Variants in NNT observed in about 807,000 individuals in gnomAD.
The protein encoded by NNT is nicotinamide nucleotide transhydrogenase.
A neutral mutation model predicts 104.8 loss-of-function variants in NNT; 50 were observed. The ratio of observed to expected loss-of-function variants is 0.48; its 90% CI spans 0.38 to 0.60. The LOEUF is 0.60. NNT is among the 20% of genes least tolerant of loss of function. The pLI, the probability that NNT is intolerant of heterozygous loss-of-function variation, is 0.00. For synonymous variants in NNT, 461 were observed against 490.4 expected, an observed-to-expected ratio of 0.94 and a Z score of 0.79; for missense variants, 1,131 against 1,330.7, an observed-to-expected ratio of 0.85 and a Z score of 2.33.
At chr5:43,691,567 G>GA (rs34409670) in intron 19 of NNT, among the ~76,000 whole-genome samples, 2 of 152,146 alleles carry the variant, frequency 1.3e-5, no homozygotes, top group South Asian at 2.1e-4. Flanking sequence ...GTAACTGGGG[G>GA]AAAAAGTCTC....
At chr5:43,618,496 T>A (rs1749900935) in intron 4 of NNT, among the ~76,000 whole-genome samples, 1 of 152,210 alleles carries the variant, frequency 6.6e-6, no homozygotes, top group Admixed American at 6.5e-5. Flanking sequence ...TAATTTTTTT[T>A]ATTTTAAGGA....
At position 43,613,045 on chromosome 5, in the gene NNT, G is replaced by C; in HGVS notation, c.289G>C (p.Glu97Gln). The change falls in exon 3 of 22, where the codon GAA becomes CAA. Residue 97 changes from glutamate to glutamine, a missense_variant. Glu to Gln is a conservative substitution (Grantham distance 29). Transcript: ENST00000344920. ...TGTTGTCGTGGAATCGGGTGCGGGC[G>C]AAGCTTCCAAGTTCTCAGATGATCA... ...FNVVVESGAGEASKFSDDHYR... is the reference protein window; with the variant it reads ...FNVVVESGAGQASKFSDDHYR... 6.2e-7 allele frequency: 1 copy of C among 1,614,096 alleles called. No individual in the cohort carries two copies. The highest frequency in any genetic ancestry group is 8.5e-7 in the Non-Finnish European group (1 of 1,180,022).
chr5:43,681,190 G>A (rs1029507447), intron 19 of NNT, among the ~76,000 whole-genome samples: 1 of 150,180 alleles, frequency 6.7e-6, no homozygotes, highest in Non-Finnish European at 1.5e-5. Flanking sequence ...AACCCAGGAG[G>A]TGGAGCTCGC....
chr5:43,603,157 C>G (rs1204339672), upstream of NNT: 2 of 152,630 alleles, frequency 1.3e-5, no homozygotes, highest in African/African-American at 4.8e-5. Flanking sequence ...AGTCACGTGG[C>G]CGCCCGCCGC....
intron 17 of NNT, among the ~76,000 whole-genome samples, chr5:43,668,525 A>G (rs569439874): frequency 6.6e-6 from 1 of 152,332 alleles, no homozygotes. Context: ...AGCACCATTT[A>G]TTAAATAGGG....
chr5:43,610,106 C>G (rs1187193460), intron 2 of NNT, among the ~76,000 whole-genome samples: 1 of 151,982 alleles, frequency 6.6e-6, no homozygotes, highest in Non-Finnish European at 1.5e-5. Flanking sequence ...ACAAGGCCTT[C>G]CCTGATAGAA....
intron 1 of NNT, among the ~76,000 whole-genome samples, chr5:43,608,486 A>G (rs1406895783): frequency 1.3e-5 from 2 of 152,232 alleles, no homozygotes; most frequent in Non-Finnish European, 1.5e-5. Flanking sequence ...AGCCTATTTG[A>G]TAAAGATACT....
chr5:43,635,536 C>G (rs963268133), intron 7 of NNT, among the ~76,000 whole-genome samples: 4 of 152,182 alleles, frequency 2.6e-5, no homozygotes, highest in African/African-American at 9.6e-5. Context: ...TATTAGTGTG[C>G]TAGGGCTGCC....
chr5:43,703,219 C>T lies in NNT; in HGVS notation c.3111+483C>T, dbSNP rs186360598. Among the ~76,000 whole-genome samples, 7 of 152,274 alleles carry T rather than the reference C, an allele frequency of 4.6e-5. No homozygotes were observed. The East Asian group carries it at 5.8e-4, about 13-fold the overall frequency. ...TAATGTGGCATAATGAAGCAAGCTT[C>T]GCTCATGTGTATTCCTCCTGAAAAA... On this transcript the variant is annotated intron_variant, in intron 21 of 21. Transcript: ENST00000344920.
intron 17 of NNT, among the ~76,000 whole-genome samples, chr5:43,672,160 C>G (rs1028275089): frequency 9.9e-5 from 15 of 152,272 alleles, no homozygotes; most frequent in African/African-American, 2.9e-4. Flanking sequence ...CTTCTCTACA[C>G]TGTTTATTCT....
chr5:43,641,266 AT>A (rs1445056220), intron 7 of NNT, among the ~76,000 whole-genome samples: 1 of 151,810 alleles, frequency 6.6e-6, no homozygotes, highest in Non-Finnish European at 1.5e-5. Context: ...TTTATTTACT[AT>A]TCTGCTTCTT....
intron 17 of NNT, 64 bp downstream of exon 17, chr5:43,659,414 C>A: frequency 3.0e-6 from 4 of 1,319,376 alleles, no homozygotes; most frequent in Non-Finnish European, 4.2e-6. Flanking sequence ...ATGTGCATGT[C>A]ATTTCTTTTA....
chr5:43,615,700 G>T, intron 3 of NNT, 148 bp from the exon 4 acceptor site: 1 of 710,934 alleles, frequency 1.4e-6, no homozygotes, highest in East Asian at 2.7e-5. Flanking sequence ...GCCTTATATT[G>T]CTTAAGAATT....
At chr5:43,697,784 G>A (rs1742632957) in intron 19 of NNT, among the ~76,000 whole-genome samples, 1 of 152,192 alleles carries the variant, frequency 6.6e-6, no homozygotes. Context: ...GCAAAAAAAG[G>A]AGAGCTTGTG....
At chr5:43,644,590 A>T (rs1307719452) in intron 8 of NNT, 21 bp from the exon 9 acceptor site, 3 of 1,584,290 alleles carry the variant, frequency 1.9e-6, no homozygotes, top group Admixed American at 1.9e-5. Context: ...GACCTTTTTG[A>T]CTATAATTTT....
intron 1 of NNT, 148 bp from the exon 2 acceptor site, chr5:43,608,995 A>G: frequency 2.3e-6 from 1 of 427,340 alleles, no homozygotes; most frequent in Non-Finnish European, 4.1e-6. Context: ...ATAAGTAAGG[A>G]ACTTGGCAAA....
At position 43,659,307 on chromosome 5, in the gene NNT, T is replaced by C; in HGVS notation, c.2591T>C (p.Leu864Pro). The change falls in exon 17 of 22, where the codon CTC becomes CCC. Residue 864 changes from leucine (L) to proline (P), a missense_variant. Coordinates refer to ENST00000344920, the MANE Select transcript of NNT (RefSeq NM_182977.3). Reference sequence around the variant, plus strand: ...AATCTGCTGACCATCGTGGGTGCACTCATAGGCTCGTCTGGTGCTATCCTG... The same window carrying C: ...AATCTGCTGACCATCGTGGGTGCACCCATAGGCTCGTCTGGTGCTATCCTG... ...NNNLLTIVGALIGSSGAILSY... is the reference protein window; with the variant it reads ...NNNLLTIVGAPIGSSGAILSY... The C allele has an allele frequency of 6.2e-7, 1 of 1,613,908 alleles. No homozygotes were observed. The highest frequency in any genetic ancestry group is 8.5e-7 in the Non-Finnish European group (1 of 1,179,962).
At chr5:43,651,679 T>C in intron 12 of NNT, 60 bp from the exon 13 acceptor site, 1 of 1,555,938 alleles carries the variant, frequency 6.4e-7, no homozygotes, top group South Asian at 1.1e-5. Flanking sequence ...CTTTAAAAAA[T>C]CATGTTGCTC....
intron 10 of NNT, chr5:43,647,862 T>C (rs16873435): frequency 0.11 from 52,235 of 455,760 alleles, 4,292 homozygotes; most frequent in African/African-American, 0.3. Flanking sequence ...ACTTCACATG[T>C]CTTAGCTCAT....
Sources: gnomAD v4.1 joint callset for allele counts (sites outside exome capture counted in the v4.1 genomes callset) on GRCh38, gnomAD v4.1.1 for gene constraint, MANE v1.5 for transcripts, NCBI Gene and HGNC (gene_info 2026-07-23, HGNC 2026-07-21) for gene names.